Variants in SYCP1 observed in about 807,000 individuals in gnomAD.
SYCP1 encodes the protein cancer/testis antigen 8.
In SYCP1, 64 loss-of-function variants were observed where a neutral mutation model predicts 153.1. That is an observed-to-expected ratio of 0.42 (90% CI 0.34 to 0.51). The LOEUF (loss-of-function observed/expected upper bound fraction) is 0.51, where lower values mean the gene tolerates loss of function less well. Among genes scored for constraint, SYCP1 ranks in the 20% least tolerant of loss-of-function variants. The pLI is 0.06. For synonymous variants in SYCP1, 384 were observed against 341.8 expected, an observed-to-expected ratio of 1.12 and a Z score of -1.36; for missense variants, 997 against 1,049.0, an observed-to-expected ratio of 0.95 and a Z score of 0.68.
In SYCP1 at chr1:114,984,883, A is replaced by C; in HGVS notation, c.2703+15A>C. 1.6e-6 allele frequency: 2 copies of C among 1,242,024 alleles called. No individual in the cohort carries two copies. The highest frequency in any genetic ancestry group is 2.1e-5 in the South Asian group (1 of 47,602). 76.9% of individuals were successfully genotyped at this position (1,242,024 alleles called of 1,614,324 possible). A position where few individuals can be genotyped will look rare whatever the true frequency, so the allele number is the denominator to read the frequency against. ...CTGATCTTTTGGTAAAAATTTTACAAATAATATTTAGTATTTATTTATATT... is the reference window on the plus strand; with the variant it reads ...CTGATCTTTTGGTAAAAATTTTACACATAATATTTAGTATTTATTTATATT... On this transcript the variant is annotated intron_variant, in intron 30 of 31. Transcript: ENST00000369522.
chr1:114,886,823 T>C (rs1047213975), intron 14 of SYCP1, among the ~76,000 whole-genome samples: 3 of 151,998 alleles, frequency 2.0e-5, no homozygotes, highest in Non-Finnish European at 2.9e-5. Flanking sequence ...GTTTCACAAA[T>C]GTGATTACAT....
chr1:114,944,834 T>A (rs1670600147), intron 24 of SYCP1, 38 bp from the exon 25 acceptor site: 1 of 1,427,118 alleles, frequency 7.0e-7, no homozygotes, highest in Admixed American at 2.3e-5. Flanking sequence ...TTTTGTGCAT[T>A]TATTTTAAGA....
At chr1:114,916,798 A>G (rs1015997078) in intron 20 of SYCP1, among the ~76,000 whole-genome samples, 1 of 151,112 alleles carries the variant, frequency 6.6e-6, no homozygotes, top group African/African-American at 2.4e-5. Flanking sequence ...TTTTTATTAA[A>G]CTTGATTGTC....
intron 27 of SYCP1, among the ~76,000 whole-genome samples, chr1:114,969,502 G>C (rs1672341927): frequency 1.3e-5 from 2 of 152,142 alleles, no homozygotes; most frequent in Admixed American, 1.3e-4. Context: ...CCCCCAACAA[G>C]CTCAAGCATC....
At chr1:114,951,985 A>G (rs563512178) in intron 27 of SYCP1, among the ~76,000 whole-genome samples, 21 of 152,114 alleles carry the variant, frequency 1.4e-4, no homozygotes, top group African/African-American at 4.8e-4. Context: ...AGATAGAAAA[A>G]TGTAAATACT....
rs534852146 is a variant in SYCP1, at chr1:114,974,896, G to A, written c.2323-2661G>A. ...ATGGCAACTGTATCATTAATTTTCT[G>A]AGAACCTCTATATTGGCTGTAGTGA... is the stretch of plus-strand genomic sequence containing the variant. On this transcript the variant is annotated intron_variant, in intron 27 of 31. Coordinates refer to ENST00000369522, the MANE Select transcript of SYCP1 (RefSeq NM_003176.4). Among the ~76,000 whole-genome samples, 24 of 151,830 alleles carry A rather than the reference G, an allele frequency of 1.6e-4. No individual in the cohort carries two copies. The South Asian group carries it at 4.8e-3, about 30-fold the overall frequency.
At chr1:114,865,914 G>A (rs1664711646) in intron 8 of SYCP1, among the ~76,000 whole-genome samples, 1 of 152,176 alleles carries the variant, frequency 6.6e-6, no homozygotes, top group Non-Finnish European at 1.5e-5. Context: ...AGAATGTTAT[G>A]TAGTTCGAAT....
chr1:114,858,561 G>T lies in SYCP1; in HGVS notation c.306G>T (p.Leu102Phe). 6.2e-7 allele frequency: 1 copy of T among 1,600,378 alleles called. No homozygotes were observed. The highest frequency in any genetic ancestry group is 1.1e-5 in the South Asian group (1 of 88,728). The stretch of plus-strand genomic sequence containing the variant: ...TATTTTAATAGAATTCAGAGGGATT[G>T]AGCAGAGTGTATTCAAAACTGTATA... ...KDSDLENSEG[L>F]SRVYSKLYKE... The change falls in exon 6 of 32, where the codon TTG becomes TTT. Residue 102 changes from leucine to phenylalanine, a missense_variant. By Grantham distance (22) the Leu-to-Phe change is conservative. Coordinates refer to ENST00000369522, the MANE Select transcript of SYCP1 (RefSeq NM_003176.4).
At chr1:114,932,803 G>A (rs377243461) in intron 23 of SYCP1, among the ~76,000 whole-genome samples, 1 of 152,232 alleles carries the variant, frequency 6.6e-6, no homozygotes, top group African/African-American at 2.4e-5. Context: ...CTCGCTCACT[G>A]CTAGTGCAGC....
chr1:114,881,056 T>TATATACACACACAC (rs375436670), intron 12 of SYCP1, among the ~76,000 whole-genome samples: 1,841 of 144,998 alleles, frequency 0.013, 33 homozygotes, highest in African/African-American at 0.032. Context: ...TTTGTGTATA[T>TATATACACACACAC]ACACACACAC....
intron 8 of SYCP1, among the ~76,000 whole-genome samples, chr1:114,869,808 A>G (rs1357812257): frequency 6.6e-6 from 1 of 152,106 alleles, no homozygotes; most frequent in African/African-American, 2.4e-5. Flanking sequence ...CTCAACATAC[A>G]TGTCTTACTG....
At chr1:114,964,530 T>G (rs1350480400) in intron 27 of SYCP1, among the ~76,000 whole-genome samples, 1 of 152,216 alleles carries the variant, frequency 6.6e-6, no homozygotes, top group Admixed American at 6.5e-5. Flanking sequence ...AAGTCTTTAA[T>G]CCATCTTGAG....
At chr1:114,957,502 T>A (rs1355426358) in intron 27 of SYCP1, among the ~76,000 whole-genome samples, 2 of 151,976 alleles carry the variant, frequency 1.3e-5, no homozygotes, top group Non-Finnish European at 2.9e-5. Flanking sequence ...GTGAGAAAAA[T>A]CAACCCTTGG....
chr1:114,951,812 C>T (rs115336820), intron 27 of SYCP1, among the ~76,000 whole-genome samples: 1 of 152,078 alleles, frequency 6.6e-6, no homozygotes, highest in Non-Finnish European at 1.5e-5. Flanking sequence ...CTCCCTCCCC[C>T]ACCCCTGGCA....
intron 27 of SYCP1, among the ~76,000 whole-genome samples, chr1:114,971,007 A>G (rs1424432048): frequency 2.0e-5 from 3 of 152,164 alleles, no homozygotes; most frequent in African/African-American, 4.8e-5. Context: ...TTGGTCTGTT[A>G]TGAGTTGCTG....
At chr1:114,871,314 C>T (rs569523925) in intron 8 of SYCP1, among the ~76,000 whole-genome samples, 37 of 151,648 alleles carry the variant, frequency 2.4e-4, no homozygotes, top group Middle Eastern at 3.2e-3. Context: ...ATTACAGGTG[C>T]CCACCACCAA....
intron 21 of SYCP1, chr1:114,923,745 T>G: frequency 6.1e-6 from 2 of 327,406 alleles, no homozygotes; most frequent in Non-Finnish European, 1.0e-5. Context: ...ATTCTGATTT[T>G]CTTTTAACGT....
At chr1:114,953,841 G>A (rs1671262310) in intron 27 of SYCP1, among the ~76,000 whole-genome samples, 1 of 152,104 alleles carries the variant, frequency 6.6e-6, no homozygotes, top group African/African-American at 2.4e-5. Flanking sequence ...GATTTTGATA[G>A]AAAATTTATT....
chr1:114,863,543 G>A (rs898688709), intron 8 of SYCP1, among the ~76,000 whole-genome samples: 2 of 151,616 alleles, frequency 1.3e-5, no homozygotes, highest in African/African-American at 2.4e-5. Flanking sequence ...CAGAGCAAGA[G>A]CCCGTCTCAA....
Sources: gnomAD v4.1 joint callset for allele counts (sites outside exome capture counted in the v4.1 genomes callset) on GRCh38, gnomAD v4.1.1 for gene constraint, MANE v1.5 for transcripts, NCBI Gene and HGNC (gene_info 2026-07-23, HGNC 2026-07-21) for gene names.